Variants in DTWD2 observed in about 807,000 individuals in gnomAD.
The protein encoded by DTWD2 is DTW motif tRNA-uridine aminocarboxypropyltransferase 2, also known as tRNA-uridine aminocarboxypropyltransferase 2.
Under a neutral mutation model 31.8 loss-of-function variants are expected in DTWD2, and 39 were observed. That is an observed-to-expected ratio of 1.22 (90% CI 0.95 to 1.60). The LOEUF (loss-of-function observed/expected upper bound fraction) is 1.60. Among genes scored for constraint, DTWD2 ranks in the 40% most tolerant of loss-of-function variants. DTWD2 has a pLI of 0.00. For missense variants in DTWD2, 515 were observed against 381.5 expected, an observed-to-expected ratio of 1.35 and a Z score of -2.92; for synonymous variants, 180 against 142.8, an observed-to-expected ratio of 1.26 and a Z score of -1.86.
At chr5:118,939,517 A>G (rs763596938) in intron 2 of DTWD2, among the ~76,000 whole-genome samples, 3 of 152,176 alleles carry the variant, frequency 2.0e-5, no homozygotes, top group Non-Finnish European at 4.4e-5. Context: ...AGGTTTACTG[A>G]TCAAAGAAGA....
At chr5:118,953,673 C>A (rs574865490) in intron 1 of DTWD2, among the ~76,000 whole-genome samples, 1 of 152,168 alleles carries the variant, frequency 6.6e-6, no homozygotes, top group Non-Finnish European at 1.5e-5. Context: ...CTCCTGAGAG[C>A]ATAAAGTTAT....
intron 4 of DTWD2, among the ~76,000 whole-genome samples, chr5:118,883,476 A>G (rs183989278): frequency 1.3e-3 from 191 of 152,244 alleles, no homozygotes; most frequent in African/African-American, 4.4e-3. Flanking sequence ...CCAATTTCCT[A>G]TATTAGTCCA....
In DTWD2 at chr5:118,889,622, G is replaced by A. The variant is rs182946766; in HGVS notation, c.597+38915C>T. The stretch of plus-strand genomic sequence containing the variant: ...GGTTGTCTCTAAGAAGGAGAACTGG[G>A]TAGATGAAGCACAACAGTCAGAGAA... On this transcript the variant is annotated intron_variant, in intron 4 of 5. Coordinates refer to ENST00000510708, the MANE Select transcript of DTWD2 (RefSeq NM_173666.4). Among the ~76,000 whole-genome samples the A allele has an allele frequency of 5.5e-3, 837 of 152,174 alleles. 10 individuals carry two copies. The highest frequency in any genetic ancestry group is 0.019 in the African/African-American group (791 of 41,532).
At chr5:118,958,838 C>T (rs1482749748) in intron 1 of DTWD2, among the ~76,000 whole-genome samples, 2 of 152,024 alleles carry the variant, frequency 1.3e-5, no homozygotes, top group African/African-American at 2.4e-5. Flanking sequence ...ACAAAGAGAA[C>T]AACAAAAACC....
At chr5:118,843,094 C>G (rs1751759150) in intron 5 of DTWD2, among the ~76,000 whole-genome samples, 1 of 151,434 alleles carries the variant, frequency 6.6e-6, no homozygotes, top group Non-Finnish European at 1.5e-5. Flanking sequence ...GTAGCTGGGA[C>G]TATAGGTGCA....
rs113024749 is a variant in DTWD2, at chr5:118,974,474, G to A, written c.218+13820C>T. 3.9e-3 allele frequency: 1,815 copies of A among 469,670 alleles called. 36 individuals carry two copies. The highest frequency in any genetic ancestry group is 0.035 in the African/African-American group (1,706 of 48,976). 29.1% of individuals were successfully genotyped at this position (469,670 alleles called of 1,614,324 possible). A position where few individuals can be genotyped will look rare whatever the true frequency, so the allele number is the denominator to read the frequency against. ...ATCTCCGATGACCAAACCAGCCTTC[G>A]GAGCGTTCTCTGTCCTACTTCTGAC... On this transcript the variant is annotated intron_variant, in intron 1 of 5. Transcript: ENST00000510708.
chr5:118,872,448 A>G (rs73236955), intron 4 of DTWD2, among the ~76,000 whole-genome samples: 6,604 of 152,234 alleles, frequency 0.043, 483 homozygotes, highest in African/African-American at 0.15. Flanking sequence ...TCTTCCTTTC[A>G]CTTGAACGCT....
intron 4 of DTWD2, among the ~76,000 whole-genome samples, chr5:118,913,418 T>G (rs1447978949): frequency 2.1e-5 from 3 of 139,742 alleles, no homozygotes; most frequent in Admixed American, 7.4e-5. Flanking sequence ...TAGATATATA[T>G]AGATATATAT....
intron 4 of DTWD2, among the ~76,000 whole-genome samples, chr5:118,863,693 A>G (rs1752317999): frequency 6.6e-6 from 1 of 152,184 alleles, no homozygotes; most frequent in Non-Finnish European, 1.5e-5. Context: ...TGAGATGAAA[A>G]GGTAATTTTG....
At chr5:118,892,146 T>C (rs537023928) in intron 4 of DTWD2, among the ~76,000 whole-genome samples, 8 of 152,182 alleles carry the variant, frequency 5.3e-5, no homozygotes, top group Non-Finnish European at 1.0e-4. Context: ...GTGTGTATTT[T>C]ATCTATACAG....
intron 4 of DTWD2, among the ~76,000 whole-genome samples, chr5:118,918,474 A>G (rs1055201256): frequency 2.0e-4 from 25 of 127,222 alleles, no homozygotes; most frequent in African/African-American, 3.3e-4. Context: ...GTCTCAAGAG[A>G]AAAAAAAAAA....
intron 4 of DTWD2, among the ~76,000 whole-genome samples, chr5:118,874,946 T>C (rs1203227670): frequency 6.6e-6 from 1 of 151,362 alleles, no homozygotes; most frequent in Non-Finnish European, 1.5e-5. Context: ...AGAAAAAAAA[T>C]GTTAAAGGCA....
chr5:118,884,285 T>A (rs1752807057), intron 4 of DTWD2, among the ~76,000 whole-genome samples: 1 of 152,228 alleles, frequency 6.6e-6, no homozygotes, highest in African/African-American at 2.4e-5. Context: ...ACTAAATTCT[T>A]CACTCCCATT....
At chr5:118,974,093 A>G in intron 1 of DTWD2, 2 of 1,599,032 alleles carry the variant, frequency 1.3e-6, no homozygotes, top group East Asian at 4.5e-5. Flanking sequence ...CGATGTCGAT[A>G]CCAAGAAGCA....
intron 5 of DTWD2, among the ~76,000 whole-genome samples, chr5:118,842,745 C>T (rs1030848066): frequency 6.7e-6 from 1 of 149,712 alleles, no homozygotes; most frequent in Non-Finnish European, 1.5e-5. Context: ...CCAGCCCAGG[C>T]AACATGGCAA....
Position 118,985,006 on chromosome 5 carries a change from T to C in DTWD2, c.218+3288A>G, listed in dbSNP as rs142364426. Among the ~76,000 whole-genome samples the C allele has an allele frequency of 5.0e-3, 757 of 152,228 alleles. 8 individuals carry two copies. Among genetic ancestry groups the C allele is most frequent in the African/African-American group, 0.017 (725 of 41,558 alleles). ...GTCAAACTTGTCACCACCTTTCAAA[T>C]ATAAAAATATTACAGTGGCTGGCTT... On this transcript the variant is annotated intron_variant, in intron 1 of 5. Transcript: ENST00000510708.
At chr5:118,846,812 C>T (rs916259334) in intron 5 of DTWD2, among the ~76,000 whole-genome samples, 3 of 151,900 alleles carry the variant, frequency 2.0e-5, no homozygotes, top group Admixed American at 1.3e-4. Flanking sequence ...TCTGAGAACA[C>T]TCCCTGCTCA....
rs751788507 is a variant in DTWD2, at chr5:118,840,356, T to C, written c.*561A>G. 6.6e-6 allele frequency: 1 copy of C among 152,210 alleles called. No individual in the cohort carries two copies. Among genetic ancestry groups the C allele is most frequent in the African/African-American group, 2.4e-5 (1 of 41,466 alleles). 9.4% of individuals were successfully genotyped at this position (152,210 alleles called of 1,614,324 possible). ...CCTCTTTAAAAATCAGGGCAATTAA[T>C]AGAGCGCTTAAATCATATTAGCTGA... On this transcript the variant is annotated 3_prime_UTR_variant, in exon 6 of 6. Transcript: ENST00000510708.
intron 4 of DTWD2, among the ~76,000 whole-genome samples, chr5:118,912,265 T>C (rs1380897339): frequency 6.6e-6 from 1 of 152,236 alleles, no homozygotes; most frequent in Non-Finnish European, 1.5e-5. Flanking sequence ...GTACTTGGAC[T>C]GAAAATGGCA....
Sources: allele counts gnomAD v4.1 joint callset (sites outside exome capture counted in the v4.1 genomes callset), GRCh38; gene constraint gnomAD v4.1.1; transcripts MANE v1.5; gene names NCBI Gene and HGNC (gene_info 2026-07-23, HGNC 2026-07-21).